HEATR4: variants seen among roughly 807,000 people sequenced by gnomAD.
HEATR4 encodes the protein HEAT repeat-containing protein 4.
In HEATR4, 95 loss-of-function variants were observed where a neutral mutation model predicts 108.8. The observed-to-expected ratio is 0.87, with a 90% CI of 0.74 to 1.04. The LOEUF (loss-of-function observed/expected upper bound fraction) is 1.04, where lower values mean the gene tolerates loss of function less well. Ranked by LOEUF, HEATR4 falls within the 50% of genes least tolerant of loss-of-function variation. The pLI, the probability that HEATR4 is intolerant of heterozygous loss-of-function variation, is 0.00. For missense variants in HEATR4, 1,152 were observed against 1,253.8 expected (o/e 0.92, Z 1.23); for synonymous variants, 443 against 459.4 (o/e 0.96, Z 0.46).
At chr14:73,569,525 G>A in the HEATR4 span, 3 of 1,607,902 alleles carry the variant, frequency 1.9e-6, no homozygotes. Context: ...AGCCGGTCAC[G>A]CTGCGCGCGT....
chr14:73,612,813 T>C, the HEATR4 span: 7 of 1,423,152 alleles, frequency 4.9e-6, no homozygotes, highest in Admixed American at 2.6e-5. Flanking sequence ...ATGGGGCTGC[T>C]GTGGGCGTTG....
chr14:73,498,368 G>A (rs770499724), intron 13 of HEATR4, 24 bp from the exon 14 acceptor site: 1 of 1,557,722 alleles, frequency 6.4e-7, no homozygotes, highest in South Asian at 1.2e-5. Context: ...AGGGCAGCAT[G>A]TCACTGAAGA....
At chr14:73,586,008 C>CA in the HEATR4 span, among the ~76,000 whole-genome samples, 5,715 of 43,860 alleles carry the variant, frequency 0.13, 173 homozygotes, top group Middle Eastern at 0.17. Context: ...GACTCTGTCG[C>CA]AAAAAAAAAA....
At chr14:73,604,164 C>CTTTTTTTTTTTT in the HEATR4 span, among the ~76,000 whole-genome samples, 29 of 120,784 alleles carry the variant, frequency 2.4e-4, 2 homozygotes, top group African/African-American at 3.0e-4. Context: ...TTGCTAATTT[C>CTTTTTTTTTTTT]TTTTTTTTTT....
intron 6 of HEATR4, 67 bp from the exon 7 acceptor site, chr14:73,512,216 G>A (rs2140281666): frequency 1.9e-6 from 3 of 1,567,116 alleles, no homozygotes; most frequent in Non-Finnish European, 2.6e-6. Flanking sequence ...GCTGCAGGCA[G>A]GTGACAAGAA....
At chr14:73,631,681 G>A in the HEATR4 span, 1 of 159,860 alleles carries the variant, frequency 6.3e-6, no homozygotes, top group South Asian at 1.8e-4. Flanking sequence ...TCGAATGACG[G>A]CATGGGGTAT....
chr14:73,619,954 T>A, the HEATR4 span: 1 of 1,196,716 alleles, frequency 8.4e-7, no homozygotes. Flanking sequence ...CTCTGTCACA[T>A]AGGCTGGAGT....
rs550148164 is a variant in HEATR4, at chr14:73,554,618, A to G, written c.-152+4133T>C. 4.4e-4 allele frequency among the ~76,000 whole-genome samples: 51 copies of G among 114,880 alleles called. 13 individuals carry two copies. The highest frequency in any genetic ancestry group is 1.7e-3 in the Admixed American group (17 of 10,054). The allele number at this position is 114,880 out of a possible 152,430, so 75.4% of individuals were successfully genotyped here. On this transcript the variant is annotated intron_variant, in intron 1 of 17. Transcript: ENST00000553558. ...GTAAAATATCTTTAAGTAGGATTGA[A>G]GGCCTCTGTGGGGAATAAAATATTA...
chr14:73,573,006 A>AT, the HEATR4 span, among the ~76,000 whole-genome samples: 16 of 151,228 alleles, frequency 1.1e-4, no homozygotes, highest in South Asian at 1.0e-3. Flanking sequence ...TGATAAAAAT[A>AT]TCAGTAAGTG....
At position 73,478,564 on chromosome 14, in the gene HEATR4, G is replaced by T; in HGVS notation, c.*42C>A. ...AATTAAAAAGACCCAATGTGACCAG[G>T]TCCACTGCTTCCTGCATCTTGAAGT... On this transcript the variant is annotated 3_prime_UTR_variant, in exon 18 of 18. Coordinates refer to ENST00000553558, the MANE Select transcript of HEATR4 (RefSeq NM_001220484.1). The T allele has an allele frequency of 1.5e-6, 2 of 1,319,142 alleles. No individual in the cohort carries two copies. The highest frequency in any genetic ancestry group is 2.2e-6 in the Non-Finnish European group (2 of 916,774). The allele number at this position is 1,319,142 out of a possible 1,614,324, so 81.7% of individuals were successfully genotyped here. A position where few individuals can be genotyped will look rare whatever the true frequency, so the allele number is the denominator to read the frequency against.
At chr14:73,570,034 T>C in the HEATR4 span, 2 of 1,277,748 alleles carry the variant, frequency 1.6e-6, no homozygotes, top group Non-Finnish European at 2.1e-6. Context: ...TCTCCAGCTA[T>C]CTTCCCGCCT....
Position 73,478,489 on chromosome 14 carries a change from T to A in HEATR4, c.*117A>T, listed in dbSNP as rs1885098180. 1 of 731,594 alleles carries A rather than the reference T, an allele frequency of 1.4e-6. No homozygotes were observed. Among genetic ancestry groups the A allele is most frequent in the African/African-American group, 1.8e-5 (1 of 56,816 alleles). 45.3% of individuals were successfully genotyped at this position (731,594 alleles called of 1,614,324 possible). A position where few individuals can be genotyped will look rare whatever the true frequency, so the allele number is the denominator to read the frequency against. ...GCGCATTAAGACATGAGGTCTACTGTTAAATAATTTCTCTTTATAAACATA... is the reference window on the plus strand; with the variant it reads ...GCGCATTAAGACATGAGGTCTACTGATAAATAATTTCTCTTTATAAACATA... On this transcript the variant is annotated 3_prime_UTR_variant, in exon 18 of 18. Coordinates refer to ENST00000553558, the MANE Select transcript of HEATR4 (RefSeq NM_001220484.1).
upstream of HEATR4, among the ~76,000 whole-genome samples, chr14:73,561,201 A>G (rs1889526429): frequency 1.3e-5 from 2 of 151,636 alleles, 1 homozygote; most frequent in Non-Finnish European, 2.9e-5. Context: ...CTCCATCTCT[A>G]CTAAAAATAC....
chr14:73,511,991 A>G lies in HEATR4; in HGVS notation c.1558+15T>C, dbSNP rs1887295180. 6.2e-7 allele frequency: 1 copy of G among 1,613,788 alleles called. No individual in the cohort carries two copies. Among genetic ancestry groups the G allele is most frequent in the Non-Finnish European group, 8.5e-7 (1 of 1,179,874 alleles). On this transcript the variant is annotated intron_variant, in intron 7 of 17. Transcript: ENST00000553558. ...AGTTGCTTATGTTCTCAAGCAGTTC[A>G]GCTTTGGCTCTCACCTGAGTCTCTC...
the HEATR4 span, chr14:73,612,949 G>T: frequency 7.8e-7 from 1 of 1,275,068 alleles, no homozygotes; most frequent in Non-Finnish European, 1.0e-6. Context: ...CGCAGAACAA[G>T]CGCGACTTTC....
At chr14:73,563,354 G>A (rs1476140477), upstream of HEATR4, among the ~76,000 whole-genome samples, 1 of 152,020 alleles carries the variant, frequency 6.6e-6, no homozygotes, top group Non-Finnish European at 1.5e-5. Context: ...CAGCACTTTG[G>A]GAGGCTGAGG....
intron 17 of HEATR4, among the ~76,000 whole-genome samples, chr14:73,485,842 C>A (rs1162392165): frequency 6.7e-6 from 1 of 149,250 alleles, no homozygotes; most frequent in Non-Finnish European, 1.5e-5. Flanking sequence ...GCATTTCAGG[C>A]TAGGTGACAA....
upstream of HEATR4, among the ~76,000 whole-genome samples, chr14:73,560,411 C>G (rs565357619): frequency 3.9e-5 from 6 of 152,146 alleles, no homozygotes; most frequent in Non-Finnish European, 7.4e-5. Flanking sequence ...CGCCCATAAT[C>G]CCAGCACTTT....
At chr14:73,620,609 C>T in the HEATR4 span, among the ~76,000 whole-genome samples, 1 of 151,922 alleles carries the variant, frequency 6.6e-6, no homozygotes, top group Non-Finnish European at 1.5e-5. Context: ...CTTTTGTTGC[C>T]CAGGCTGAAG....
Sources: allele counts gnomAD v4.1 joint callset (sites outside exome capture counted in the v4.1 genomes callset), GRCh38; gene constraint gnomAD v4.1.1; transcripts MANE v1.5; gene names NCBI Gene and HGNC (gene_info 2026-07-23, HGNC 2026-07-21).